Variants in RIMS3 observed in about 807,000 individuals in gnomAD.
RIMS3 encodes the protein regulating synaptic membrane exocytosis protein 3.
RIMS3 carries 15 observed loss-of-function variants against 29.2 expected under a neutral mutation model. The observed-to-expected ratio is 0.51, with a 90% CI of 0.34 to 0.79. The LOEUF (loss-of-function observed/expected upper bound fraction) is 0.79, where lower values mean the gene tolerates loss of function less well. Among genes scored for constraint, RIMS3 ranks in the 30% least tolerant of loss-of-function variants. RIMS3 has a pLI of 0.01. For missense variants in RIMS3, 342 were observed against 421.4 expected (o/e 0.81, Z 1.65); for synonymous variants, 161 against 170.1 (o/e 0.95, Z 0.41).
the RIMS3 span, among the ~76,000 whole-genome samples, chr1:40,680,578 C>T: frequency 4.6e-5 from 7 of 151,954 alleles, no homozygotes; most frequent in South Asian, 4.2e-4. Flanking sequence ...GTGATCTGCC[C>T]GCCTCGGCCT....
chr1:40,688,040 T>C, the RIMS3 span, among the ~76,000 whole-genome samples: 33 of 152,286 alleles, frequency 2.2e-4, no homozygotes, highest in Non-Finnish European at 3.4e-4. Context: ...TCTCGGCTCA[T>C]TGCAACCTCT....
At chr1:40,646,115 G>A (rs1032102500) in intron 2 of RIMS3, among the ~76,000 whole-genome samples, 3 of 152,198 alleles carry the variant, frequency 2.0e-5, no homozygotes, top group African/African-American at 7.2e-5. Context: ...TCATCTGGGT[G>A]TAAAATGAAG....
At position 40,633,096 on chromosome 1, in the gene RIMS3, G is replaced by C; in HGVS notation, c.445C>G (p.Arg149Gly). The C allele has an allele frequency of 6.2e-7, 1 of 1,614,158 alleles. No homozygotes were observed. The highest frequency in any genetic ancestry group is 8.5e-7 in the Non-Finnish European group (1 of 1,180,004). ...ATGGGTGGTGTTGCCAGTGTCTGTC[G>C]CCCCACAATCTGAGCTGGTCCCAGC... ...DGLGPAQIVG[R>G]QTLATPPMGD... The change falls in exon 5 of 8, where the codon CGA (arginine) becomes GGA (glycine). Residue 149 changes from arginine (R) to glycine (G), a missense_variant. Coordinates refer to ENST00000372684, the MANE Select transcript of RIMS3 (RefSeq NM_014747.3).
chr1:40,677,262 C>T, the RIMS3 span, among the ~76,000 whole-genome samples: 1 of 151,618 alleles, frequency 6.6e-6, no homozygotes, highest in Admixed American at 6.6e-5. Flanking sequence ...GCCTCAGCCT[C>T]CCAGAGTGCT....
At chr1:40,632,418 T>TTATATATA (rs56394507) in intron 5 of RIMS3, among the ~76,000 whole-genome samples, 77 of 87,954 alleles carry the variant, frequency 8.8e-4, no homozygotes, top group East Asian at 2.2e-3. Flanking sequence ...ACATATAAAT[T>TTATATATA]TATATATATA....
At chr1:40,628,439 C>T (rs1646468494) in intron 7 of RIMS3, among the ~76,000 whole-genome samples, 1 of 152,214 alleles carries the variant, frequency 6.6e-6, no homozygotes, top group African/African-American at 2.4e-5. Flanking sequence ...GAGAATCACA[C>T]CTACTCCACA....
chr1:40,642,208 C>CA (rs1370452950), intron 2 of RIMS3, among the ~76,000 whole-genome samples: 3 of 152,222 alleles, frequency 2.0e-5, no homozygotes, highest in Non-Finnish European at 2.9e-5. Flanking sequence ...GCTGTGGAGT[C>CA]ACATGGCCCG....
the RIMS3 span, among the ~76,000 whole-genome samples, chr1:40,684,281 CCT>C: frequency 3.3e-5 from 5 of 152,292 alleles, no homozygotes; most frequent in Middle Eastern, 3.4e-3. Flanking sequence ...ACTCTGTCTC[CCT>C]CTCTGTCTGA....
rs1192049248 is a variant in RIMS3, at chr1:40,624,360, T to A, written c.*2157A>T. The A allele has an allele frequency of 1.3e-5, 2 of 152,212 alleles. No homozygotes were observed. Among genetic ancestry groups the A allele is most frequent in the Non-Finnish European group, 2.9e-5 (2 of 68,046 alleles). The allele number at this position is 152,212 out of a possible 1,614,324, so 9.4% of individuals were successfully genotyped here. ...AGGTGAATATATCATAAACAGGAGA[T>A]TAAAATACCCTTTTGCAACGGAGTT... is the stretch of plus-strand genomic sequence containing the variant. On this transcript the variant is annotated 3_prime_UTR_variant, in exon 8 of 8. Coordinates refer to ENST00000372684, the MANE Select transcript of RIMS3 (RefSeq NM_014747.3).
chr1:40,622,368 C>G lies in RIMS3; in HGVS notation c.*4149G>C, dbSNP rs973697335. 1 of 152,580 alleles carries G rather than the reference C, an allele frequency of 6.6e-6. No individual in the cohort carries two copies. The highest frequency in any genetic ancestry group is 1.5e-5 in the Non-Finnish European group (1 of 68,102). 9.5% of individuals were successfully genotyped at this position (152,580 alleles called of 1,614,324 possible). ...CAATCATGCTTGTTTTGTTTTGCCC[C>G]AACCTCTTCTGACGTGAGTGAAAAG... On this transcript the variant is annotated 3_prime_UTR_variant, in exon 8 of 8. Transcript: ENST00000372684.
Position 40,621,063 on chromosome 1 carries a change from C to T in RIMS3, c.*5454G>A, listed in dbSNP as rs1017606924. The T allele has an allele frequency of 4.6e-5, 7 of 152,232 alleles. No individual in the cohort carries two copies. Among genetic ancestry groups the T allele is most frequent in the African/African-American group, 1.7e-4 (7 of 41,458 alleles). The allele number at this position is 152,232 out of a possible 1,614,324, so 9.4% of individuals were successfully genotyped here. A position where few individuals can be genotyped will look rare whatever the true frequency, so the allele number is the denominator to read the frequency against. On this transcript the variant is annotated 3_prime_UTR_variant, in exon 8 of 8. Coordinates refer to ENST00000372684, the MANE Select transcript of RIMS3 (RefSeq NM_014747.3). ...TCTTCCTAAGGAAGCAGCTGCCCCA[C>T]CTTCTGAAATGATGTCTGGTTAAAG... is the stretch of plus-strand genomic sequence containing the variant.
At chr1:40,664,054 A>T (rs1183871755) in intron 1 of RIMS3, among the ~76,000 whole-genome samples, 5 of 152,216 alleles carry the variant, frequency 3.3e-5, no homozygotes, top group Admixed American at 2.6e-4. Flanking sequence ...AAGTTTAACC[A>T]ACTCTGGGCT....
chr1:40,676,623 C>T, the RIMS3 span, among the ~76,000 whole-genome samples: 2 of 152,042 alleles, frequency 1.3e-5, no homozygotes, highest in African/African-American at 4.8e-5. Context: ...GATTTCAGTG[C>T]CAAATCTGCT....
chr1:40,681,855 C>T, the RIMS3 span, among the ~76,000 whole-genome samples: 1 of 152,118 alleles, frequency 6.6e-6, no homozygotes, highest in African/African-American at 2.4e-5. Flanking sequence ...TTATTTGAGA[C>T]TGAGTTTTGC....
Position 40,636,253 on chromosome 1 carries a change from C to T in RIMS3, c.218-196G>A, listed in dbSNP as rs564023812. Among the ~76,000 whole-genome samples the T allele has an allele frequency of 8.1e-4, 123 of 152,190 alleles. No homozygotes were observed. The highest frequency in any genetic ancestry group is 2.9e-3 in the African/African-American group (120 of 41,486). On this transcript the variant is annotated intron_variant, in intron 3 of 7. Coordinates refer to ENST00000372684, the MANE Select transcript of RIMS3 (RefSeq NM_014747.3). The surrounding 1 kb of genome is among the most constrained non-coding windows in gnomAD (Gnocchi z 4.2). ...TGCAGCCTGACACCTGGCCCTGCTCCGGGCAGTGACACTGACAGAGCAGAC... is the reference window on the plus strand; with the variant it reads ...TGCAGCCTGACACCTGGCCCTGCTCTGGGCAGTGACACTGACAGAGCAGAC...
intron 2 of RIMS3, among the ~76,000 whole-genome samples, chr1:40,645,298 C>T (rs1345961970): frequency 1.3e-5 from 2 of 152,126 alleles, no homozygotes; most frequent in African/African-American, 4.8e-5. Flanking sequence ...CGGTGTAGGT[C>T]TAATTTACTC....
At chr1:40,691,738 C>A in the RIMS3 span, 13 of 455,428 alleles carry the variant, frequency 2.9e-5, no homozygotes, top group Non-Finnish European at 5.7e-5. Flanking sequence ...CTTGTGCCCC[C>A]GCTTCGCGCG....
At chr1:40,687,987 CAG>C in the RIMS3 span, among the ~76,000 whole-genome samples, 2 of 152,266 alleles carry the variant, frequency 1.3e-5, no homozygotes, top group South Asian at 2.1e-4. Context: ...TTTTTTGAGA[CAG>C]AGTCTCGCTC....
chr1:40,668,332 G>A (rs1459456773), upstream of RIMS3, among the ~76,000 whole-genome samples: 3 of 151,580 alleles, frequency 2.0e-5, no homozygotes, highest in East Asian at 5.8e-4. Context: ...TGAAGTGGGA[G>A]GATTACCTGA....
Sources: allele counts gnomAD v4.1 joint callset (sites outside exome capture counted in the v4.1 genomes callset), GRCh38; gene constraint gnomAD v4.1.1; non-coding constraint Gnocchi (gnomAD v3.1); transcripts MANE v1.5; gene names NCBI Gene and HGNC (gene_info 2026-07-23, HGNC 2026-07-21).